The following ECE1 variants were observed in gnomAD, a reference collection of about 807,000 sequenced individuals.
ECE1 encodes endothelin-converting enzyme 1.
In ECE1, 35 loss-of-function variants were observed where a neutral mutation model predicts 98.6. That is an observed-to-expected ratio of 0.35 (90% CI 0.27 to 0.47). ECE1 has a LOEUF of 0.47. ECE1 is among the 20% of genes least tolerant of loss of function. ECE1 has a pLI of 1.00. For missense variants in ECE1, 814 were observed against 1,025.3 expected, an observed-to-expected ratio of 0.79 and a Z score of 2.81; for synonymous variants, 394 against 407.1, an observed-to-expected ratio of 0.97 and a Z score of 0.39.
At position 21,247,315 on chromosome 1, in the gene ECE1, A is replaced by T; in HGVS notation, c.1069T>A (p.Tyr357Asn). 6.2e-7 allele frequency: 1 copy of T among 1,614,210 alleles called. No individual in the cohort carries two copies. Among genetic ancestry groups the T allele is most frequent in the South Asian group, 1.1e-5 (1 of 91,080 alleles). Residue 357 changes from tyrosine to asparagine, a missense_variant, in exon 9 of 19, where the codon TAC (tyrosine) becomes AAC (asparagine). By Grantham distance (143) the Tyr-to-Asn change is moderately radical. This residue lies in a region of ECE1 where 452 missense variants were observed against 567.3 expected (regional missense o/e 0.80). Transcript: ENST00000374893. ...NWLPFLNTIFYPVEINESEPI... is the reference protein window; with the variant it reads ...NWLPFLNTIFNPVEINESEPI... Reference sequence around the variant, plus strand: ...TCGGATTCATTGATCTCCACGGGGTAGAAGATGGTGTTGAGAAAAGGCAAC... The same window carrying T: ...TCGGATTCATTGATCTCCACGGGGTTGAAGATGGTGTTGAGAAAAGGCAAC...
intron 16 of ECE1, among the ~76,000 whole-genome samples, chr1:21,226,305 G>C (rs2098174169): frequency 1.3e-5 from 2 of 152,072 alleles, no homozygotes; most frequent in Non-Finnish European, 2.9e-5. Flanking sequence ...CCACGAGCAG[G>C]GCACCTCACT....
chr1:21,239,394 C>A (rs564742207), intron 10 of ECE1, among the ~76,000 whole-genome samples: 29 of 152,338 alleles, frequency 1.9e-4, no homozygotes, highest in African/African-American at 6.7e-4. Context: ...GTCCTCTTAA[C>A]CCCAAAGAAC....
Position 21,263,184 on chromosome 1 carries a change from T to A in ECE1, c.494-2792A>T, listed in dbSNP as rs548045345. ...TGGGCTGCCCCTCCGCCATTCCATG[T>A]CTTAGTGGTCCCTGCAGCCCCAGAA... On this transcript the variant is annotated intron_variant, in intron 4 of 18. Transcript: ENST00000374893. Among the ~76,000 whole-genome samples, 18 of 152,058 alleles carry A rather than the reference T, an allele frequency of 1.2e-4. 1 individual carries two copies. Among genetic ancestry groups the A allele is most frequent in the African/African-American group, 4.1e-4 (17 of 41,492 alleles).
chr1:21,228,068 C>A, intron 14 of ECE1, 27 bp from the exon 15 acceptor site: 2 of 1,537,112 alleles, frequency 1.3e-6, no homozygotes, highest in South Asian at 1.2e-5. Flanking sequence ...TGCAGGAGGT[C>A]TCAGCACAGG....
rs148547019 is a variant in ECE1 at position 21,287,189 on chromosome 1, G to C, written c.138+2881C>G. 6.0e-3 allele frequency among the ~76,000 whole-genome samples: 914 copies of C among 152,280 alleles called. 3 individuals are homozygous for C. The highest frequency in any genetic ancestry group is 0.01 in the Middle Eastern group (3 of 294). ...AGCTTATTTTTTAGCTGTCCATCAA[G>C]AGAAAAGATTTGGGATGAAGGGTCT... On this transcript the variant is annotated intron_variant, in intron 2 of 18. Transcript: ENST00000374893.
Position 21,290,195 on chromosome 1 carries a change from C to G in ECE1, c.52-39G>C. On this transcript the variant is annotated intron_variant, in intron 1 of 18. Coordinates refer to ENST00000374893, the MANE Select transcript of ECE1 (RefSeq NM_001397.3). This position sits in a 1 kb window ranked among gnomAD's most constrained non-coding sequence, Gnocchi z 7.3. ...TGCAGCACGGACTCCCTCAGCGCCTCCATGGCTCTCGCGCCCGAATGGGGA... is the reference window on the plus strand; with the variant it reads ...TGCAGCACGGACTCCCTCAGCGCCTGCATGGCTCTCGCGCCCGAATGGGGA... 1 of 1,491,784 alleles carries G rather than the reference C, an allele frequency of 6.7e-7. No homozygotes were observed. Among genetic ancestry groups the G allele is most frequent in the Middle Eastern group, 1.8e-4 (1 of 5,694 alleles). The allele number at this position is 1,491,784 out of a possible 1,614,324, so 92.4% of individuals were successfully genotyped here.
chr1:21,254,593 C>A (rs1390324275), intron 8 of ECE1, among the ~76,000 whole-genome samples: 1 of 152,196 alleles, frequency 6.6e-6, no homozygotes, highest in Non-Finnish European at 1.5e-5. Context: ...CTGGCACAGA[C>A]AGTTGGCATC....
At chr1:21,248,171 T>C (rs993761101) in intron 8 of ECE1, among the ~76,000 whole-genome samples, 1 of 151,602 alleles carries the variant, frequency 6.6e-6, no homozygotes, top group Non-Finnish European at 1.5e-5. Flanking sequence ...TGGTCAGCTC[T>C]ACTTTTTTTT....
intron 8 of ECE1, among the ~76,000 whole-genome samples, chr1:21,250,547 A>G (rs2098211293): frequency 6.6e-6 from 1 of 152,198 alleles, no homozygotes; most frequent in Non-Finnish European, 1.5e-5. Context: ...TTCTTGAAAA[A>G]GGACAAAATG....
chr1:21,294,585 T>C (rs759006798), upstream of ECE1, among the ~76,000 whole-genome samples: 33 of 152,172 alleles, frequency 2.2e-4, no homozygotes, highest in Non-Finnish European at 4.3e-4. This position sits in a 1 kb window ranked among gnomAD's most constrained non-coding sequence, Gnocchi z 4.2. Context: ...CTCTGGAAAC[T>C]CCACCCTTGT....
In ECE1 at chr1:21,238,120, G is replaced by A. The variant is rs769119731; in HGVS notation, c.1389+14C>T. Reference sequence around the variant, plus strand: ...TGTGACCTCACAGCCTGTGTCCACGGGGAAGGCACTTACTATGCTCTTGCT... The same window carrying A: ...TGTGACCTCACAGCCTGTGTCCACGAGGAAGGCACTTACTATGCTCTTGCT... On this transcript the variant is annotated intron_variant, in intron 11 of 18. Coordinates refer to ENST00000374893, the MANE Select transcript of ECE1 (RefSeq NM_001397.3). 6 of 1,611,770 alleles carry A rather than the reference G, an allele frequency of 3.7e-6. No homozygotes were observed. The South Asian group carries it at 6.6e-5, about 18-fold the overall frequency.
At chr1:21,333,829 G>A (rs545424975) in intron 1 of ECE1, among the ~76,000 whole-genome samples, 3 of 151,100 alleles carry the variant, frequency 2.0e-5, no homozygotes, top group East Asian at 1.9e-4. Context: ...GCGAGACTCC[G>A]TCTCAAAAAA....
At chr1:21,281,564 C>T (rs1168971198) in intron 2 of ECE1, among the ~76,000 whole-genome samples, 2 of 152,258 alleles carry the variant, frequency 1.3e-5, no homozygotes, top group Non-Finnish European at 2.9e-5. Flanking sequence ...GACTGCCTTG[C>T]CTAGGGACAC....
intron 2 of ECE1, among the ~76,000 whole-genome samples, chr1:21,283,181 G>A (rs2098256846): frequency 6.6e-6 from 1 of 151,982 alleles, no homozygotes; most frequent in Non-Finnish European, 1.5e-5. Context: ...TCCTGACCTC[G>A]TGATCCACCC....
At chr1:21,297,105 G>C (rs1638376452) in intron 1 of ECE1, among the ~76,000 whole-genome samples, 1 of 152,222 alleles carries the variant, frequency 6.6e-6, no homozygotes, top group Admixed American at 6.5e-5. Context: ...GAGTCCCAGG[G>C]CTGGGCTCCC....
chr1:21,288,724 T>A (rs1048270835), intron 2 of ECE1, among the ~76,000 whole-genome samples: 1 of 152,234 alleles, frequency 6.6e-6, no homozygotes, highest in South Asian at 2.1e-4. Context: ...AGAAATCTAA[T>A]TTCCTGCTGG....
intron 2 of ECE1, among the ~76,000 whole-genome samples, chr1:21,283,376 T>C (rs937180353): frequency 6.6e-6 from 1 of 151,908 alleles, no homozygotes; most frequent in African/African-American, 2.4e-5. Flanking sequence ...GTTCAAGCAA[T>C]TCTCCTGCCT....
chr1:21,234,101 C>T (rs576069015), intron 13 of ECE1, among the ~76,000 whole-genome samples: 2 of 152,016 alleles, frequency 1.3e-5, no homozygotes, highest in Admixed American at 1.3e-4. Context: ...ATTCTCGTGC[C>T]TCAGCCTCCC....
chr1:21,236,973 G>A, intron 11 of ECE1, 129 bp from the exon 12 acceptor site: 2 of 908,802 alleles, frequency 2.2e-6, no homozygotes, highest in Middle Eastern at 2.4e-4. Flanking sequence ...TGGGTGAGAA[G>A]GGGAGCCACA....
Sources: gnomAD v4.1 joint callset for allele counts (sites outside exome capture counted in the v4.1 genomes callset) on GRCh38, gnomAD v4.1.1 for gene constraint, gnomAD v4.1.1 regional missense constraint, Gnocchi (gnomAD v3.1) non-coding constraint, MANE v1.5 for transcripts, NCBI Gene and HGNC (gene_info 2026-07-23, HGNC 2026-07-21) for gene names.